Variants in RYR2 observed in about 807,000 individuals in gnomAD.
RYR2 encodes the protein cardiac muscle ryanodine receptor-calcium release channel.
A neutral mutation model predicts 601.1 loss-of-function variants in RYR2; 227 were observed. The ratio of observed to expected loss-of-function variants is 0.38; its 90% CI spans 0.34 to 0.42. The LOEUF (loss-of-function observed/expected upper bound fraction) is 0.42. Among genes scored for constraint, RYR2 ranks in the 10% least tolerant of loss-of-function variants. The pLI, the probability that RYR2 is intolerant of heterozygous loss-of-function variation, is 1.00. For missense variants in RYR2, 4,646 were observed against 6,156.5 expected, an observed-to-expected ratio of 0.75 and a Z score of 8.21; for synonymous variants, 2,223 against 2,175.1, an observed-to-expected ratio of 1.02 and a Z score of -0.61.
At chr1:237,710,692 T>G (rs1446019843) in intron 70 of RYR2, among the ~76,000 whole-genome samples, 1 of 147,702 alleles carries the variant, frequency 6.8e-6, no homozygotes, top group Non-Finnish European at 1.5e-5. Context: ...ATAAATAGAT[T>G]AGGTATGTAG....
At chr1:237,101,730 C>A (rs985649985) in intron 1 of RYR2, among the ~76,000 whole-genome samples, 3 of 152,166 alleles carry the variant, frequency 2.0e-5, no homozygotes, top group Admixed American at 6.5e-5. Flanking sequence ...GCAACCTCAT[C>A]GTTAGGAGAG....
intron 67 of RYR2, among the ~76,000 whole-genome samples, chr1:237,705,725 G>A (rs1688314484): frequency 6.6e-6 from 1 of 152,158 alleles, no homozygotes; most frequent in African/African-American, 2.4e-5. Context: ...TCCCCACCAA[G>A]TTAGGGCATG....
intron 87 of RYR2, among the ~76,000 whole-genome samples, chr1:237,778,226 A>G (rs1485320252): frequency 2.0e-5 from 3 of 152,128 alleles, no homozygotes; most frequent in Admixed American, 6.6e-5. Flanking sequence ...TCTCTATATG[A>G]ATGCTTTATC....
At chr1:237,591,666 G>T in intron 31 of RYR2, 73 bp from the exon 32 acceptor site, 1 of 1,252,030 alleles carries the variant, frequency 8.0e-7, no homozygotes, top group South Asian at 1.3e-5. Context: ...CAACTCAATT[G>T]ATTATATGCT....
rs766838912 is a variant in RYR2 at position 237,589,832 on chromosome 1, G to C, written c.3638G>C (p.Gly1213Ala). The change falls in exon 30 of 105, where the codon GGT (glycine) becomes GCT (alanine). Residue 1213 changes from glycine to alanine, a missense_variant. Coordinates refer to ENST00000366574, the MANE Select transcript of RYR2 (RefSeq NM_001035.3). ...TGTAGCCTTGGAGTGGCTCAAGTGGGTAGGATGAACTTTGGAAAGGATGTC... is the reference window on the plus strand; with the variant it reads ...TGTAGCCTTGGAGTGGCTCAAGTGGCTAGGATGAACTTTGGAAAGGATGTC... ...PVCSLGVAQV[G>A]RMNFGKDVST... 6 of 1,613,670 alleles carry C rather than the reference G, an allele frequency of 3.7e-6. No individual in the cohort carries two copies. Among genetic ancestry groups the C allele is most frequent in the Non-Finnish European group, 5.1e-6 (6 of 1,179,864 alleles).
chr1:237,618,604 C>T (rs1229720195), intron 38 of RYR2, among the ~76,000 whole-genome samples: 1 of 152,150 alleles, frequency 6.6e-6, no homozygotes, highest in Non-Finnish European at 1.5e-5. Context: ...ACAAAAGCCT[C>T]CTCTTTCTAG....
At chr1:237,623,452 GGC>G (rs1458508430) in intron 38 of RYR2, among the ~76,000 whole-genome samples, 3 of 135,834 alleles carry the variant, frequency 2.2e-5, no homozygotes, top group African/African-American at 8.2e-5. Context: ...GGAGTGTAGT[GGC>G]ACAATCTCGG....
intron 1 of RYR2, among the ~76,000 whole-genome samples, chr1:237,161,508 C>T (rs972849819): frequency 1.4e-5 from 2 of 148,108 alleles, no homozygotes; most frequent in South Asian, 2.1e-4. Flanking sequence ...ATGCTGTTTC[C>T]ACTGCATTTA....
chr1:237,459,600 G>A (rs1305006662), intron 16 of RYR2, among the ~76,000 whole-genome samples: 16 of 152,136 alleles, frequency 1.1e-4, no homozygotes, highest in Admixed American at 1.0e-3. Context: ...TGAATAGAAG[G>A]AATTATAATT....
chr1:237,595,797 C>CAT, intron 34 of RYR2, 140 bp downstream of exon 34: 1 of 997,234 alleles, frequency 1.0e-6, no homozygotes, highest in Middle Eastern at 3.2e-4. Flanking sequence ...CCGAGCAGAC[C>CAT]TGCCCCTAGC....
chr1:237,617,563 A>G (rs1403008770), intron 38 of RYR2, 77 bp downstream of exon 38: 34 of 1,334,824 alleles, frequency 2.5e-5, no homozygotes, highest in Non-Finnish European at 3.4e-5. Context: ...GCAAAATTAT[A>G]TAACTCACAC....
chr1:237,780,115 C>CAGTT (rs1053130011), intron 88 of RYR2, among the ~76,000 whole-genome samples: 8 of 150,302 alleles, frequency 5.3e-5, no homozygotes, highest in East Asian at 1.9e-4. Flanking sequence ...CAGTCTTGAA[C>CAGTT]AGTTAGAAAC....
rs563627202 is a variant in RYR2 at position 237,801,328 on chromosome 1, C to G, written c.14091-528C>G. On this transcript the variant is annotated intron_variant, in intron 97 of 104. Transcript: ENST00000366574. ...GACAGATCCCCTGAGATCAGGAGTTCAAGACCAGCCTGGCCAACATGATGA... is the reference window on the plus strand; with the variant it reads ...GACAGATCCCCTGAGATCAGGAGTTGAAGACCAGCCTGGCCAACATGATGA... Among the ~76,000 whole-genome samples the G allele has an allele frequency of 2.7e-4, 34 of 123,692 alleles. 1 individual carries two copies. The South Asian group carries it at 8.8e-3, about 32-fold the overall frequency. The allele number at this position is 123,692 out of a possible 152,430, so 81.1% of individuals were successfully genotyped here.
rs78977355 is a variant in RYR2, at chr1:237,356,552, C to T, written c.294+567C>T. ...GTGCTGGGATTACACACAGGAGCCA[C>T]TATGCCCAGCCTTATATAATCTGAA... is the stretch of plus-strand genomic sequence containing the variant. On this transcript the variant is annotated intron_variant, in intron 4 of 104. Coordinates refer to ENST00000366574, the MANE Select transcript of RYR2 (RefSeq NM_001035.3). Among the ~76,000 whole-genome samples, 11 of 152,120 alleles carry T rather than the reference C, an allele frequency of 7.2e-5. No individual in the cohort carries two copies. The East Asian group carries it at 1.7e-3, about 24-fold the overall frequency.
chr1:237,815,991 A>G (rs1289418367), intron 100 of RYR2, among the ~76,000 whole-genome samples: 1 of 152,160 alleles, frequency 6.6e-6, no homozygotes, highest in African/African-American at 2.4e-5. Context: ...AGAGGAACTG[A>G]TGGATGATCA....
intron 52 of RYR2, 54 bp downstream of exon 52, chr1:237,654,468 A>G: frequency 1.3e-6 from 2 of 1,560,558 alleles, no homozygotes; most frequent in South Asian, 2.3e-5. Flanking sequence ...ATAGAGCCAC[A>G]CATTCTTAGT....
chr1:237,525,642 G>T (rs1667500608), intron 24 of RYR2, among the ~76,000 whole-genome samples: 1 of 151,846 alleles, frequency 6.6e-6, no homozygotes, highest in Admixed American at 6.6e-5. Flanking sequence ...GTAGAGACGG[G>T]GTTTCACCAT....
At position 237,655,816 on chromosome 1, in the gene RYR2, C is replaced by A; in HGVS notation, c.7966-5C>A. ...TTTTTTTTTTTGGTCCTCCATTTTT[C>A]CCAGAAATATGAACAAGAACTTTTC... On this transcript the variant is annotated splice_polypyrimidine_tract_variant and splice_region_variant and intron_variant, in intron 52 of 104. Transcript: ENST00000366574. The A allele has an allele frequency of 6.4e-7, 1 of 1,570,710 alleles. No individual in the cohort carries two copies. Among genetic ancestry groups the A allele is most frequent in the Non-Finnish European group, 8.6e-7 (1 of 1,162,030 alleles).
chr1:237,768,685 C>T (rs888144936), intron 84 of RYR2, among the ~76,000 whole-genome samples: 2 of 152,174 alleles, frequency 1.3e-5, no homozygotes, highest in South Asian at 4.1e-4. Flanking sequence ...GACTGCTGAT[C>T]CTGTACCTTC....
Sources: allele counts gnomAD v4.1 joint callset (sites outside exome capture counted in the v4.1 genomes callset), GRCh38; gene constraint gnomAD v4.1.1; transcripts MANE v1.5; gene names NCBI Gene and HGNC (gene_info 2026-07-23, HGNC 2026-07-21).